Variants in NSA2 observed in about 807,000 individuals in gnomAD.
NSA2 encodes the protein NSA2 ribosome biogenesis factor, also known as ribosome biogenesis protein NSA2 homolog.
Under a neutral mutation model 34.8 loss-of-function variants are expected in NSA2, and 18 were observed. That is an observed-to-expected ratio of 0.52 (90% CI 0.36 to 0.77). The LOEUF (loss-of-function observed/expected upper bound fraction) is 0.77. Ranked by LOEUF, NSA2 falls within the 30% of genes least tolerant of loss-of-function variation. NSA2 has a pLI of 0.00. For synonymous variants in NSA2, 79 were observed against 100.2 expected, an observed-to-expected ratio of 0.79 and a Z score of 1.26; for missense variants, 188 against 314.7, an observed-to-expected ratio of 0.60 and a Z score of 3.05.
intron 5 of NSA2, among the ~76,000 whole-genome samples, chr5:74,776,041 T>A (rs1745104516): frequency 6.6e-6 from 1 of 152,254 alleles, no homozygotes; most frequent in Non-Finnish European, 1.5e-5. Flanking sequence ...AAAAGCCTGT[T>A]AATGCAATGT....
rs773642837 is a variant in NSA2 at position 74,767,328 on chromosome 5, G to A, written c.-33G>A. The A allele has an allele frequency of 6.8e-6, 11 of 1,613,502 alleles. No homozygotes were observed. In the Admixed American group the frequency reaches 1.5e-4, roughly 22 times the overall value. On this transcript the variant is annotated 5_prime_UTR_variant, in exon 1 of 6. Transcript: ENST00000610426. The stretch of plus-strand genomic sequence containing the variant: ...AAATTGAGAGCGTTTTCGCACTCCA[G>A]CGGCTGCTCCTGGCGGCTCTGCGGC...
At position 74,778,148 on chromosome 5, in the gene NSA2, A is replaced by G. The variant is rs967440837; in HGVS notation, c.*1477A>G. ...TTTAGAACCAAAAATACTATCTTGT[A>G]AGGTACAAAGAAAGCTTGATATTAA... On this transcript the variant is annotated 3_prime_UTR_variant, in exon 6 of 6. Coordinates refer to ENST00000610426, the MANE Select transcript of NSA2 (RefSeq NM_014886.6). 5.9e-5 allele frequency: 9 copies of G among 152,080 alleles called. No homozygotes were observed. The highest frequency in any genetic ancestry group is 2.2e-4 in the African/African-American group (9 of 41,468). 9.4% of individuals were successfully genotyped at this position (152,080 alleles called of 1,614,324 possible).
chr5:74,774,418 A>G (rs1270742337), intron 5 of NSA2, among the ~76,000 whole-genome samples: 1 of 151,962 alleles, frequency 6.6e-6, no homozygotes, highest in Non-Finnish European at 1.5e-5. Context: ...CCTGGCCAAC[A>G]TGGCAAAACC....
chr5:74,776,200 T>G (rs1269436032), intron 5 of NSA2, among the ~76,000 whole-genome samples: 1 of 152,176 alleles, frequency 6.6e-6, no homozygotes, highest in Non-Finnish European at 1.5e-5. Context: ...AAGTGGTAAT[T>G]AGAAATATTT....
In NSA2 at chr5:74,769,312, C is replaced by G. The variant is rs1224787412; in HGVS notation, c.290C>G (p.Ser97Cys). ...TATCTGCTGGACAGAGAGGGACAAT[C>G]TCGAGCTAAAGTACTTTCCAATATG... ...PAYLLDREGQ[S>C]RAKVLSNMIK... Residue 97 changes from serine (S) to cysteine (C), a missense_variant, in exon 3 of 6, where the codon TCT (serine) becomes TGT (cysteine). By Grantham distance (112) the Ser-to-Cys change is moderately radical (BLOSUM62 -1). Coordinates refer to ENST00000610426, the MANE Select transcript of NSA2 (RefSeq NM_014886.6). The G allele has an allele frequency of 6.2e-7, 1 of 1,613,398 alleles. No individual in the cohort carries two copies. The highest frequency in any genetic ancestry group is 1.1e-5 in the South Asian group (1 of 90,892).
Position 74,776,674 on chromosome 5 carries a change from G to T in NSA2, c.*3G>T, listed in dbSNP as rs1332420182. On this transcript the variant is annotated 3_prime_UTR_variant, in exon 6 of 6. Coordinates refer to ENST00000610426, the MANE Select transcript of NSA2 (RefSeq NM_014886.6). ...TAAATGCAGTCTTACTGGTTTGACA[G>T]CAATTTCATATATAATTATTGAGGA... 1 of 1,471,760 alleles carries T rather than the reference G, an allele frequency of 6.8e-7. No homozygotes were observed. The allele number at this position is 1,471,760 out of a possible 1,614,324, so 91.2% of individuals were successfully genotyped here.
chr5:74,774,913 T>C (rs956936383), intron 5 of NSA2, among the ~76,000 whole-genome samples: 11 of 152,270 alleles, frequency 7.2e-5, no homozygotes, highest in African/African-American at 1.9e-4. Flanking sequence ...CTGTCCCACG[T>C]AGGTAAACTG....
At chr5:74,767,446 G>A in intron 1 of NSA2, 83 bp downstream of exon 1, 2 of 1,536,160 alleles carry the variant, frequency 1.3e-6, no homozygotes, top group Non-Finnish European at 1.8e-6. Flanking sequence ...GGGGTAGGGG[G>A]TGAGCGGTGG....
intron 4 of NSA2, among the ~76,000 whole-genome samples, chr5:74,771,915 T>C (rs1194935235): frequency 6.6e-6 from 1 of 150,604 alleles, no homozygotes; most frequent in Non-Finnish European, 1.5e-5. Context: ...GATAATTTAA[T>C]ATAGCTTAAT....
In NSA2 at chr5:74,778,519, A is replaced by G. The variant is rs1258440022; in HGVS notation, c.*1848A>G. Reference sequence around the variant, plus strand: ...TGACTAGATGTTTTCCTTACCATCTACACTGAATGGAAATACCATGAATAT... The same window carrying G: ...TGACTAGATGTTTTCCTTACCATCTGCACTGAATGGAAATACCATGAATAT... On this transcript the variant is annotated 3_prime_UTR_variant, in exon 6 of 6. Transcript: ENST00000610426. 1.3e-5 allele frequency: 2 copies of G among 152,042 alleles called. No individual in the cohort carries two copies. The highest frequency in any genetic ancestry group is 4.8e-5 in the African/African-American group (2 of 41,462). The allele number at this position is 152,042 out of a possible 1,614,324, so 9.4% of individuals were successfully genotyped here.
Position 74,770,798 on chromosome 5 carries a change from C to T in NSA2, c.510C>T (p.Phe170=). 2 of 1,607,090 alleles carry T rather than the reference C, an allele frequency of 1.2e-6. No homozygotes were observed. Among genetic ancestry groups the T allele is most frequent in the South Asian group, 2.2e-5 (2 of 89,354 alleles). The change falls in exon 4 of 6, where the codon TTC becomes TTT. Residue 170 remains phenylalanine, a synonymous_variant. Coordinates refer to ENST00000610426, the MANE Select transcript of NSA2 (RefSeq NM_014886.6). The part of the protein sequence containing the change: ...FTRKPPKYER[F]IRPMGLRFKK... ...GAAAACCACCTAAATATGAAAGATTCATCAGGCCAATGGTAAGTCCTTGGA... is the reference window on the plus strand; with the variant it reads ...GAAAACCACCTAAATATGAAAGATTTATCAGGCCAATGGTAAGTCCTTGGA...
intron 4 of NSA2, chr5:74,771,468 C>T (rs1218855506): frequency 6.6e-6 from 1 of 152,158 alleles, no homozygotes; most frequent in African/African-American, 2.4e-5. Flanking sequence ...CACTTCTTGT[C>T]TTTGACAGCA....
Position 74,770,630 on chromosome 5 carries a change from G to C in NSA2, c.343-1G>C, listed in dbSNP as rs1346670883. On this transcript the variant is annotated splice_acceptor_variant, in intron 3 of 5. Transcript: ENST00000610426. LOFTEE classifies it high-confidence loss of function. Reference sequence around the variant, plus strand: ...AACTTTTAACTGTGGCATATTTTTAGGGAAAATGGGAAGTCCCTCTGCCTA... The same window carrying C: ...AACTTTTAACTGTGGCATATTTTTACGGAAAATGGGAAGTCCCTCTGCCTA... 1 of 1,568,898 alleles carries C rather than the reference G, an allele frequency of 6.4e-7. No homozygotes were observed. Among genetic ancestry groups the C allele is most frequent in the Non-Finnish European group, 8.6e-7 (1 of 1,161,818 alleles).
intron 3 of NSA2, 62 bp from the exon 4 acceptor site, chr5:74,770,569 T>C: frequency 7.7e-7 from 1 of 1,296,252 alleles, no homozygotes; most frequent in South Asian, 1.6e-5. Flanking sequence ...CTAAAACATA[T>C]TTGACTTATT....
Position 74,777,944 on chromosome 5 carries a change from C to G in NSA2, c.*1273C>G, listed in dbSNP as rs1745203879. On this transcript the variant is annotated 3_prime_UTR_variant, in exon 6 of 6. Transcript: ENST00000610426. ...AGGCTAGTTCCTTGGAAATGACGATCCAGGATGATACAATCACTTGATGAC... is the reference window on the plus strand; with the variant it reads ...AGGCTAGTTCCTTGGAAATGACGATGCAGGATGATACAATCACTTGATGAC... 1 of 151,916 alleles carries G rather than the reference C, an allele frequency of 6.6e-6. No homozygotes were observed. Among genetic ancestry groups the G allele is most frequent in the Non-Finnish European group, 1.5e-5 (1 of 67,874 alleles). The allele number at this position is 151,916 out of a possible 1,614,324, so 9.4% of individuals were successfully genotyped here.
Position 74,770,655 on chromosome 5 carries a change from A to G in NSA2, c.367A>G (p.Lys123Glu), listed in dbSNP as rs147471286. 4.3e-5 allele frequency: 68 copies of G among 1,599,436 alleles called. No homozygotes were observed. The highest frequency in any genetic ancestry group is 2.7e-4 in the South Asian group (24 of 87,508). Residue 123 changes from lysine (K) to glutamate (E), a missense_variant, in exon 4 of 6, where the codon AAA becomes GAA. Transcript: ENST00000610426. ...GGGAAAATGGGAAGTCCCTCTGCCT[A>G]AAGTACGTGCCCAGGGAGAAACAGA... ...KAGKWEVPLP[K>E]VRAQGETEVL...
intron 1 of NSA2, 109 bp from the exon 2 acceptor site, chr5:74,768,822 A>G (rs1744811751): frequency 2.5e-6 from 2 of 786,378 alleles, no homozygotes; most frequent in African/African-American, 1.8e-5. Context: ...TCATTTAAGT[A>G]AGTGAACATT....
intron 4 of NSA2, among the ~76,000 whole-genome samples, chr5:74,773,454 G>A (rs1253980936): frequency 5.7e-5 from 8 of 139,192 alleles, no homozygotes; most frequent in African/African-American, 1.8e-4. Flanking sequence ...GCAACATGGC[G>A]AAACCCCATC....
chr5:74,776,301 C>T (rs147712065), intron 5 of NSA2, among the ~76,000 whole-genome samples: 3,138 of 152,158 alleles, frequency 0.021, 106 homozygotes, highest in African/African-American at 0.072. Flanking sequence ...GGAGTTCGAG[C>T]CCAGCCTGGG....
Sources: allele counts gnomAD v4.1 joint callset (sites outside exome capture counted in the v4.1 genomes callset), GRCh38; gene constraint gnomAD v4.1.1; transcripts MANE v1.5; gene names NCBI Gene and HGNC (gene_info 2026-07-23, HGNC 2026-07-21).